Variants in DYM observed in about 807,000 individuals in gnomAD.
The protein encoded by DYM is dyggve-Melchior-Clausen syndrome protein.
DYM carries 78 observed loss-of-function variants against 93.1 expected under a neutral mutation model. The ratio of observed to expected loss-of-function variants is 0.84; its 90% CI spans 0.70 to 1.01. The LOEUF is 1.01. DYM is among the 50% of genes least tolerant of loss of function. DYM has a pLI of 0.00. For synonymous variants in DYM, 321 were observed against 319.7 expected, an observed-to-expected ratio of 1.00 and a Z score of -0.04; for missense variants, 789 against 845.0, an observed-to-expected ratio of 0.93 and a Z score of 0.82.
chr18:49,142,109 C>T (rs2084574340), intron 15 of DYM, among the ~76,000 whole-genome samples: 1 of 151,896 alleles, frequency 6.6e-6, no homozygotes, highest in South Asian at 2.1e-4. Flanking sequence ...GATCCGCCCA[C>T]CTCGGTCTCC....
intron 13 of DYM, among the ~76,000 whole-genome samples, chr18:49,218,017 G>C (rs558682229): frequency 6.6e-6 from 1 of 151,936 alleles, no homozygotes; most frequent in South Asian, 2.1e-4. Flanking sequence ...CCCATCTCAC[G>C]TGCAGAGACA....
At chr18:49,319,934 G>A (rs937627927) in intron 8 of DYM, among the ~76,000 whole-genome samples, 10 of 152,138 alleles carry the variant, frequency 6.6e-5, no homozygotes, top group Non-Finnish European at 1.5e-5. Context: ...TTGTCCAATT[G>A]TGTTTGACAG....
intron 8 of DYM, among the ~76,000 whole-genome samples, chr18:49,297,174 G>A (rs2060617070): frequency 6.6e-6 from 1 of 152,200 alleles, no homozygotes. Context: ...AGGGCACTAG[G>A]AGATGGGTAC....
intron 14 of DYM, among the ~76,000 whole-genome samples, chr18:49,190,736 G>A (rs533863128): frequency 6.6e-6 from 1 of 152,212 alleles, no homozygotes; most frequent in South Asian, 2.1e-4. Flanking sequence ...ACTTATACAT[G>A]CATTTTCTTC....
intron 14 of DYM, among the ~76,000 whole-genome samples, chr18:49,190,432 A>G (rs1028854530): frequency 2.0e-5 from 3 of 152,308 alleles, no homozygotes; most frequent in Admixed American, 1.3e-4. Context: ...AACCAGACAT[A>G]CATTGCTCTC....
intron 17 of DYM, among the ~76,000 whole-genome samples, chr18:49,058,488 T>G (rs893792919): frequency 3.9e-5 from 6 of 152,088 alleles, no homozygotes; most frequent in Non-Finnish European, 8.8e-5. Flanking sequence ...CCTGGCAAAT[T>G]TTTAAATTTT....
intron 17 of DYM, among the ~76,000 whole-genome samples, chr18:49,073,846 A>T (rs1251578044): frequency 6.6e-6 from 1 of 152,098 alleles, no homozygotes; most frequent in African/African-American, 2.4e-5. Context: ...TTTGACTTCA[A>T]TTTTGGATTC....
intron 6 of DYM, among the ~76,000 whole-genome samples, chr18:49,354,191 T>A (rs73445737): frequency 0.022 from 3,368 of 152,110 alleles, 125 homozygotes; most frequent in African/African-American, 0.077. Flanking sequence ...TTCAACCAGA[T>A]GCTGAAACAA....
At position 49,117,279 on chromosome 18, in the gene DYM, G is replaced by A. The variant is rs1279102561; in HGVS notation, c.1911+1465C>T. Among the ~76,000 whole-genome samples the A allele has an allele frequency of 4.6e-5, 7 of 152,166 alleles. No individual in the cohort carries two copies. In the South Asian group the frequency reaches 8.3e-4, roughly 18 times the overall value. The stretch of plus-strand genomic sequence containing the variant: ...AGGTATATAGTTGAAGCAGCTTAAC[G>A]AAAGCCAATGAAATTAAGCTGACAG... On this transcript the variant is annotated intron_variant, in intron 16 of 17. Coordinates refer to ENST00000675505, the MANE Select transcript of DYM (RefSeq NM_001353214.3).
chr18:49,307,865 T>G (rs905984512), intron 8 of DYM, among the ~76,000 whole-genome samples: 7 of 152,184 alleles, frequency 4.6e-5, no homozygotes, highest in African/African-American at 1.7e-4. Context: ...GAAAATGACT[T>G]CAGCTGCTTG....
chr18:49,224,716 T>A (rs2093470516), intron 13 of DYM, among the ~76,000 whole-genome samples: 1 of 152,082 alleles, frequency 6.6e-6, no homozygotes, highest in African/African-American at 2.4e-5. Flanking sequence ...AGTCGGCGCC[T>A]TGATCTAGGA....
intron 14 of DYM, among the ~76,000 whole-genome samples, chr18:49,197,277 G>C (rs1300798614): frequency 2.7e-5 from 4 of 149,926 alleles, no homozygotes; most frequent in Non-Finnish European, 3.0e-5. Context: ...TAAGGTAAGA[G>C]TTTAAGTACA....
intron 8 of DYM, chr18:49,321,494 A>G: frequency 2.5e-6 from 1 of 395,318 alleles, no homozygotes; most frequent in Non-Finnish European, 4.5e-6. Flanking sequence ...ACAAAGCTGT[A>G]TTTTGACATT....
chr18:49,380,407 C>T (rs1057361578), intron 3 of DYM, among the ~76,000 whole-genome samples: 1 of 152,162 alleles, frequency 6.6e-6, no homozygotes, highest in African/African-American at 2.4e-5. Context: ...TCAGTTTTCT[C>T]ATCTGTAAAA....
intron 6 of DYM, among the ~76,000 whole-genome samples, chr18:49,362,772 G>A (rs1376733126): frequency 1.3e-5 from 2 of 152,170 alleles, no homozygotes; most frequent in African/African-American, 4.8e-5. Flanking sequence ...GGCTTCAAAA[G>A]AGGCTGGAAA....
At chr18:49,341,169 T>A (rs935013972) in intron 6 of DYM, among the ~76,000 whole-genome samples, 33 of 152,228 alleles carry the variant, frequency 2.2e-4, no homozygotes, top group African/African-American at 7.9e-4. Context: ...AAATTCCAAA[T>A]GAATTCACAG....
chr18:49,402,456 A>C (rs2070965677), intron 2 of DYM, among the ~76,000 whole-genome samples: 1 of 152,222 alleles, frequency 6.6e-6, no homozygotes, highest in Non-Finnish European at 1.5e-5. Flanking sequence ...AGCAATAATC[A>C]GGTCTCCACT....
intron 13 of DYM, among the ~76,000 whole-genome samples, chr18:49,253,366 A>G (rs1222562682): frequency 5.9e-5 from 9 of 152,194 alleles, no homozygotes; most frequent in Non-Finnish European, 1.5e-5. Flanking sequence ...CATACTTTAC[A>G]TTTCTATACC....
At chr18:49,279,780 T>C (rs1016374559) in intron 10 of DYM, among the ~76,000 whole-genome samples, 1 of 152,218 alleles carries the variant, frequency 6.6e-6, no homozygotes, top group African/African-American at 2.4e-5. Flanking sequence ...ATTTTACTCA[T>C]ATAAGCAGCA....
Sources: gnomAD v4.1 joint callset for allele counts (sites outside exome capture counted in the v4.1 genomes callset) on GRCh38, gnomAD v4.1.1 for gene constraint, MANE v1.5 for transcripts, NCBI Gene and HGNC (gene_info 2026-07-23, HGNC 2026-07-21) for gene names.